GARRE1: variants seen among roughly 807,000 people sequenced by gnomAD.
The protein encoded by GARRE1 is granule associated Rac and RHOG effector 1, also known as granule associated Rac and RHOG effector protein 1.
Under a neutral mutation model 103.2 loss-of-function variants are expected in GARRE1, and 49 were observed. The ratio of observed to expected loss-of-function variants is 0.47; its 90% CI spans 0.38 to 0.60. GARRE1 has a LOEUF of 0.60. Ranked by LOEUF, GARRE1 falls within the 20% of genes least tolerant of loss-of-function variation. GARRE1 has a pLI of 0.00. For missense variants in GARRE1, 1,199 were observed against 1,370.5 expected (o/e 0.87, Z 1.98); for synonymous variants, 505 against 532.8 (o/e 0.95, Z 0.72).
chr19:34,337,794 A>T lies in GARRE1; in HGVS notation c.1362-2073A>T, dbSNP rs1237467698. ...TTTTTCAGAAAGATTAATTATCATC[A>T]CCAGGAGCTGTAGTACTCTTTTCTA... On this transcript the variant is annotated intron_variant, in intron 8 of 13. Coordinates refer to ENST00000299505, the MANE Select transcript of GARRE1 (RefSeq NM_014686.5). Among the ~76,000 whole-genome samples, 3 of 152,246 alleles carry T rather than the reference A, an allele frequency of 2.0e-5. No individual in the cohort carries two copies. The South Asian group carries it at 6.2e-4, about 32-fold the overall frequency.
chr19:34,334,696 CAAAAAA>C (rs201914309), intron 8 of GARRE1, among the ~76,000 whole-genome samples: 15 of 117,586 alleles, frequency 1.3e-4, no homozygotes, highest in Admixed American at 7.7e-4. Context: ...AAAACTATCT[CAAAAAA>C]AAAAAAAAAG....
intron 2 of GARRE1, among the ~76,000 whole-genome samples, chr19:34,313,834 T>C (rs1390994240): frequency 1.3e-5 from 2 of 152,214 alleles, no homozygotes; most frequent in East Asian, 1.9e-4. Flanking sequence ...GGAGTCTCGC[T>C]CTTTCTCCCA....
At chr19:34,291,300 C>T (rs1368587362) in intron 1 of GARRE1, among the ~76,000 whole-genome samples, 1 of 152,062 alleles carries the variant, frequency 6.6e-6, no homozygotes, top group African/African-American at 2.4e-5. Flanking sequence ...GATTGATGTA[C>T]AAAAAGGAGA....
intron 1 of GARRE1, among the ~76,000 whole-genome samples, chr19:34,283,503 C>A (rs191984241): frequency 1.2e-4 from 18 of 152,152 alleles, no homozygotes; most frequent in African/African-American, 4.1e-4. Flanking sequence ...TAATATGTGC[C>A]AGACATCATT....
intron 8 of GARRE1, among the ~76,000 whole-genome samples, chr19:34,334,453 C>T (rs532953635): frequency 6.6e-6 from 1 of 152,250 alleles, no homozygotes; most frequent in South Asian, 2.1e-4. Flanking sequence ...AATCCTAGCA[C>T]TTTGGGAGGC....
chr19:34,266,829 A>C (rs2073755255), intron 1 of GARRE1, among the ~76,000 whole-genome samples: 1 of 152,212 alleles, frequency 6.6e-6, no homozygotes, highest in South Asian at 2.1e-4. Flanking sequence ...ATAGTGAGAA[A>C]AAAATTTCTA....
At chr19:34,350,708 A>G (rs980578228) in intron 12 of GARRE1, among the ~76,000 whole-genome samples, 1 of 152,030 alleles carries the variant, frequency 6.6e-6, no homozygotes, top group East Asian at 2.0e-4. Context: ...CAGCCTCCCA[A>G]GTAGCTGGGA....
intron 2 of GARRE1, among the ~76,000 whole-genome samples, chr19:34,301,428 T>C (rs8105306): frequency 0.78 from 116,886 of 150,420 alleles, 45,964 homozygotes; most frequent in African/African-American, 0.83. Context: ...GTGGGAGGAT[T>C]GCTTGAGCCC....
chr19:34,338,674 GAGGT>G (rs1386102197), intron 8 of GARRE1, among the ~76,000 whole-genome samples: 2 of 152,216 alleles, frequency 1.3e-5, no homozygotes, highest in Non-Finnish European at 2.9e-5. Context: ...CAAAGGTCCT[GAGGT>G]GTGGACAAAC....
chr19:34,265,071 G>A (rs184120754), intron 1 of GARRE1, among the ~76,000 whole-genome samples: 1 of 152,156 alleles, frequency 6.6e-6, no homozygotes, highest in Non-Finnish European at 1.5e-5. Context: ...ATAATGGGAA[G>A]ATTTTTGAAA....
At position 34,352,329 on chromosome 19, in the gene GARRE1, G is replaced by C. The variant is rs370677585; in HGVS notation, c.2905-318G>C. Among the ~76,000 whole-genome samples, 9 of 151,398 alleles carry C rather than the reference G, an allele frequency of 5.9e-5. No homozygotes were observed. The East Asian group carries it at 1.4e-3, about 23-fold the overall frequency. Reference sequence around the variant, plus strand: ...AGACAGGAGAATCGCTTGAACCCCGGAGGCAGAGGTTGCAGTGAGCCGAGA... The same window carrying C: ...AGACAGGAGAATCGCTTGAACCCCGCAGGCAGAGGTTGCAGTGAGCCGAGA... On this transcript the variant is annotated intron_variant, in intron 13 of 13. Coordinates refer to ENST00000299505, the MANE Select transcript of GARRE1 (RefSeq NM_014686.5).
intron 1 of GARRE1, among the ~76,000 whole-genome samples, chr19:34,267,828 C>G (rs1048119755): frequency 6.7e-6 from 1 of 149,440 alleles, no homozygotes; most frequent in African/African-American, 2.5e-5. Flanking sequence ...GGCTGGAGTG[C>G]AGTGGGGTAA....
intron 10 of GARRE1, among the ~76,000 whole-genome samples, chr19:34,342,859 C>T (rs2074193705): frequency 1.3e-5 from 2 of 151,030 alleles, no homozygotes; most frequent in Non-Finnish European, 1.5e-5. Flanking sequence ...TGCCTAAACT[C>T]TAGGACCTAT....
chr19:34,330,476 A>C (rs1198080082), intron 7 of GARRE1, 129 bp downstream of exon 7: 2 of 901,338 alleles, frequency 2.2e-6, no homozygotes, highest in Non-Finnish European at 3.3e-6. Context: ...TGGAATTTAG[A>C]CCAGGCAGGT....
intron 1 of GARRE1, among the ~76,000 whole-genome samples, chr19:34,281,590 A>G (rs1279948108): frequency 1.3e-5 from 2 of 152,080 alleles, no homozygotes; most frequent in South Asian, 2.1e-4. Flanking sequence ...CACCTGGCCA[A>G]TTTTGTTTGT....
intron 1 of GARRE1, among the ~76,000 whole-genome samples, chr19:34,275,692 C>T (rs1474043441): frequency 6.6e-6 from 1 of 152,166 alleles, no homozygotes; most frequent in Non-Finnish European, 1.5e-5. Context: ...CGTTCATCTG[C>T]ATGTTGGTTT....
At chr19:34,309,910 A>C (rs1167999475) in intron 2 of GARRE1, among the ~76,000 whole-genome samples, 1 of 152,198 alleles carries the variant, frequency 6.6e-6, no homozygotes, top group African/African-American at 2.4e-5. Context: ...TTCAAAAAAA[A>C]TGAAGAGAGT....
chr19:34,316,507 G>A (rs899986983), intron 2 of GARRE1, among the ~76,000 whole-genome samples: 1 of 152,224 alleles, frequency 6.6e-6, no homozygotes, highest in African/African-American at 2.4e-5. Flanking sequence ...TGTTTCAGGA[G>A]AGGAGCTGAG....
At chr19:34,313,761 G>T (rs1222164513) in intron 2 of GARRE1, among the ~76,000 whole-genome samples, 1 of 152,060 alleles carries the variant, frequency 6.6e-6, no homozygotes, top group Non-Finnish European at 1.5e-5. Flanking sequence ...TTTTATCTCT[G>T]CCCACAATGT....
Sources: allele counts gnomAD v4.1 joint callset (sites outside exome capture counted in the v4.1 genomes callset), GRCh38; gene constraint gnomAD v4.1.1; transcripts MANE v1.5; gene names NCBI Gene and HGNC (gene_info 2026-07-23, HGNC 2026-07-21).